Variants in NINL observed in about 807,000 individuals in gnomAD.
NINL encodes the protein ninein-like protein.
In NINL, 153 loss-of-function variants were observed where a neutral mutation model predicts 160.3. The observed-to-expected ratio is 0.95, with a 90% CI of 0.84 to 1.09. NINL has a LOEUF of 1.09. Among genes scored for constraint, NINL ranks in the 50% least tolerant of loss-of-function variants. The pLI is 0.00. For missense variants in NINL, 1,829 were observed against 1,764.0 expected, an observed-to-expected ratio of 1.04 and a Z score of -0.66; for synonymous variants, 800 against 734.8, an observed-to-expected ratio of 1.09 and a Z score of -1.43.
At chr20:25,560,803 G>A (rs1348932586) in intron 1 of NINL, among the ~76,000 whole-genome samples, 1 of 151,996 alleles carries the variant, frequency 6.6e-6, no homozygotes, top group Non-Finnish European at 1.5e-5. Context: ...TGAGGGCTCT[G>A]AGAAGTAAAT....
intron 13 of NINL, among the ~76,000 whole-genome samples, chr20:25,484,996 T>C (rs1417511778): frequency 6.6e-6 from 1 of 152,116 alleles, no homozygotes; most frequent in African/African-American, 2.4e-5. Flanking sequence ...CAGCTGAGGA[T>C]GCACAGCCTC....
chr20:25,560,300 G>A (rs1020046084), intron 1 of NINL, among the ~76,000 whole-genome samples: 1 of 152,196 alleles, frequency 6.6e-6, no homozygotes, highest in African/African-American at 2.4e-5. Context: ...GTTGGTCTGA[G>A]ACTCCCTTTC....
chr20:25,570,694 CTTTT>C (rs57981279), intron 1 of NINL, among the ~76,000 whole-genome samples: 146 of 90,976 alleles, frequency 1.6e-3, no homozygotes, highest in East Asian at 0.015. Context: ...GGCAAGTAGA[CTTTT>C]TTTTTTTTTT....
chr20:25,492,491 G>A (rs1019033270), intron 10 of NINL, among the ~76,000 whole-genome samples: 3 of 151,544 alleles, frequency 2.0e-5, no homozygotes, highest in Admixed American at 1.3e-4. Flanking sequence ...TTGCTCTGTC[G>A]CCCAGGCTGG....
In NINL at chr20:25,482,273, ATGG is replaced by A. The variant is rs377546438; in HGVS notation, c.1678-176_1678-174del. On this transcript the variant is annotated intron_variant, in intron 13 of 23. Coordinates refer to ENST00000278886, the MANE Select transcript of NINL (RefSeq NM_025176.6). The stretch of plus-strand genomic sequence containing the variant: ...ATCTGGATTTTAAGTCGCTAACATC[ATGG>A]TGAGATAAGCCAAAACAAAGGTCCT... Among the ~76,000 whole-genome samples, 18 of 152,374 alleles carry A rather than the reference ATGG, an allele frequency of 1.2e-4. No individual in the cohort carries two copies. In the East Asian group the frequency reaches 3.5e-3, roughly 29 times the overall value.
At chr20:25,527,279 A>C (rs924672528) in intron 1 of NINL, among the ~76,000 whole-genome samples, 1 of 151,858 alleles carries the variant, frequency 6.6e-6, no homozygotes, top group African/African-American at 2.4e-5. Flanking sequence ...ACAGCCTCAC[A>C]AGTAGCTGGG....
At position 25,476,279 on chromosome 20, in the gene NINL, G is replaced by A. The variant is rs902804239; in HGVS notation, c.3012C>T (p.Ala1004=). ...TGTGCTTGTGACACCCAGGCTCCAG[G>A]GCGCCCTCGGCCCGGGCCTGCTGCT... ...ASEQQARAEG[A]LEPGCHKHSV... is the part of the protein sequence containing the mutation. The change falls in exon 17 of 24, where the codon GCC becomes GCT. Residue 1004 remains alanine (A), a synonymous_variant. Coordinates refer to ENST00000278886, the MANE Select transcript of NINL (RefSeq NM_025176.6). The A allele has an allele frequency of 6.2e-7, 1 of 1,613,548 alleles. No homozygotes were observed.
At position 25,470,106 on chromosome 20, in the gene NINL, A is replaced by G. The variant is rs774501348; in HGVS notation, c.3249-11T>C. 1 of 1,611,708 alleles carries G rather than the reference A, an allele frequency of 6.2e-7. No homozygotes were observed. The highest frequency in any genetic ancestry group is 1.1e-5 in the South Asian group (1 of 91,034). ...CTATGGAACTCCAGTCTGCGTAAAA[A>G]TTGAGAAAAGACCGGTGAGCACTTG... On this transcript the variant is annotated splice_polypyrimidine_tract_variant and intron_variant, in intron 17 of 23. Coordinates refer to ENST00000278886, the MANE Select transcript of NINL (RefSeq NM_025176.6).
In NINL at chr20:25,479,143, T is replaced by C. The variant is rs747883700; in HGVS notation, c.1981A>G (p.Met661Val). The change falls in exon 16 of 24, where the codon ATG becomes GTG. Residue 661 changes from methionine to valine, a missense_variant. Physicochemically the swap from Met to Val is conservative, Grantham distance 21. Coordinates refer to ENST00000278886, the MANE Select transcript of NINL (RefSeq NM_025176.6). The stretch of plus-strand genomic sequence containing the variant: ...ACCTCGCGCCTGCGAGCCTGCTCCA[T>C]GTCCTTCCTCTCCTTCTCAAAGTTC... The part of the protein sequence containing the change: ...KRNFEKERKD[M>V]EQARRREVSV... 3.7e-6 allele frequency: 6 copies of C among 1,613,920 alleles called. No individual in the cohort carries two copies. The highest frequency in any genetic ancestry group is 1.7e-5 in the Admixed American group (1 of 59,958).
chr20:25,483,790 C>T (rs757756547), intron 13 of NINL, among the ~76,000 whole-genome samples: 20 of 152,238 alleles, frequency 1.3e-4, no homozygotes, highest in Non-Finnish European at 2.9e-4. Flanking sequence ...GTTTCTAGCC[C>T]ACTTTCTTAG....
intron 21 of NINL, among the ~76,000 whole-genome samples, chr20:25,459,551 C>CT (rs2090783951): frequency 6.6e-6 from 1 of 151,980 alleles, no homozygotes; most frequent in African/African-American, 2.4e-5. Context: ...CGTCTCAAGA[C>CT]GGTCACTCTG....
At chr20:25,498,845 G>A (rs899322660) in intron 8 of NINL, 11 of 955,274 alleles carry the variant, frequency 1.2e-5, no homozygotes, top group South Asian at 4.8e-5. Flanking sequence ...TTTCCAGAGC[G>A]GGGTGTTCCT....
At chr20:25,511,282 T>C (rs549608556) in intron 4 of NINL, among the ~76,000 whole-genome samples, 2 of 152,200 alleles carry the variant, frequency 1.3e-5, no homozygotes, top group African/African-American at 4.8e-5. Context: ...GGCTCCGGGA[T>C]AGCACAGCGC....
rs766636534 is a variant in NINL at position 25,476,844 on chromosome 20, C to T, written c.2447G>A (p.Arg816Gln). The change falls in exon 17 of 24, where the codon CGA (arginine) becomes CAA (glutamine). Residue 816 changes from arginine (R) to glutamine (Q), a missense_variant. Physicochemically the swap from Arg to Gln is conservative, Grantham distance 43. Transcript: ENST00000278886. ...EEELELARGK[R>Q]VDGPSLEAEM... ...TGCTTCCAGGGAGGGCCCGTCCACT[C>T]GCTTCCCGCGGGCAAGCTCCAACTC... 4.3e-6 allele frequency: 7 copies of T among 1,613,248 alleles called. No individual in the cohort carries two copies. The highest frequency in any genetic ancestry group is 1.7e-5 in the Admixed American group (1 of 59,996).
intron 13 of NINL, among the ~76,000 whole-genome samples, chr20:25,486,359 T>C (rs1459360577): frequency 6.6e-6 from 1 of 152,174 alleles, no homozygotes; most frequent in South Asian, 2.1e-4. Flanking sequence ...ATGAAAAGAA[T>C]AGCATGTCTT....
In NINL at chr20:25,510,744, T is replaced by C. The variant is rs755265058; in HGVS notation, c.451-4A>G. ...CCTCTTCATCTGACTTGGGACTCTG[T>C]AGAAAGATGCAGAGAGAAGGCTGTG... On this transcript the variant is annotated splice_region_variant and splice_polypyrimidine_tract_variant and intron_variant, in intron 4 of 23. Coordinates refer to ENST00000278886, the MANE Select transcript of NINL (RefSeq NM_025176.6). 5.3e-5 allele frequency: 86 copies of C among 1,611,102 alleles called. No homozygotes were observed. In the South Asian group the frequency reaches 6.3e-4, roughly 12 times the overall value.
At chr20:25,525,287 T>G (rs2064337414) in intron 2 of NINL, among the ~76,000 whole-genome samples, 1 of 152,230 alleles carries the variant, frequency 6.6e-6, no homozygotes, top group African/African-American at 2.4e-5. Flanking sequence ...AGTGGTTCTT[T>G]TCTTCATTTG....
chr20:25,504,215 G>C (rs1034842618), intron 6 of NINL, 111 bp from the exon 7 acceptor site: 3 of 1,142,630 alleles, frequency 2.6e-6, no homozygotes, highest in Non-Finnish European at 2.5e-6. Context: ...AACAAGGGCC[G>C]TTTCCTAGTC....
rs2090583143 is a variant in NINL, at chr20:25,453,490, T to C, written c.4110A>G (p.Lys1370=). Residue 1370 remains lysine, a synonymous_variant, in exon 24 of 24, where the codon AAA becomes AAG. Coordinates refer to ENST00000278886, the MANE Select transcript of NINL (RefSeq NM_025176.6). ...CTGCGGGGGCAATCCTACTGACGAG[T>C]TTGTTGAGAGCGCGAACTTTTTCTT... ...LLEEKVRALN[K]LVSRIAPAAL... is the part of the protein sequence containing the mutation. 5 of 1,613,566 alleles carry C rather than the reference T, an allele frequency of 3.1e-6. No homozygotes were observed. In the African/African-American group the frequency reaches 5.3e-5, roughly 17 times the overall value.
Sources: allele counts gnomAD v4.1 joint callset (sites outside exome capture counted in the v4.1 genomes callset), GRCh38; gene constraint gnomAD v4.1.1; transcripts MANE v1.5; gene names NCBI Gene and HGNC (gene_info 2026-07-23, HGNC 2026-07-21).